Variants in UGT1A8 observed in about 807,000 individuals in gnomAD.
UGT1A8 encodes UDP glucuronosyltransferase family 1 member A8, also known as UDP-glucuronosyltransferase 1A8.
In UGT1A8, 39 loss-of-function variants were observed where a neutral mutation model predicts 45.3. The observed-to-expected ratio is 0.86, with a 90% CI of 0.67 to 1.12. The LOEUF (loss-of-function observed/expected upper bound fraction) is 1.12, where lower values mean the gene tolerates loss of function less well. Ranked by LOEUF, UGT1A8 falls within the 50% of genes most tolerant of loss-of-function variation. The pLI is 0.00. For missense variants in UGT1A8, 719 were observed against 664.9 expected (o/e 1.08, Z -0.90); for synonymous variants, 275 against 249.2 (o/e 1.10, Z -0.97).
chr2:233,709,261 T>G (rs1161769974), intron 1 of UGT1A8, among the ~76,000 whole-genome samples: 1 of 152,190 alleles, frequency 6.6e-6, no homozygotes, highest in Non-Finnish European at 1.5e-5. Flanking sequence ...GGAAATAACT[T>G]GTCCACGCTG....
At chr2:233,702,799 T>C (rs1284571613) in intron 1 of UGT1A8, among the ~76,000 whole-genome samples, 1 of 152,224 alleles carries the variant, frequency 6.6e-6, no homozygotes, top group Non-Finnish European at 1.5e-5. Flanking sequence ...CTTGTATTCC[T>C]AGAATAATCC....
chr2:233,680,607 T>C (rs571428085), intron 1 of UGT1A8, among the ~76,000 whole-genome samples: 3 of 152,274 alleles, frequency 2.0e-5, no homozygotes, highest in East Asian at 1.9e-4. Context: ...ATCTGCATGA[T>C]GGAATTCAGC....
intron 1 of UGT1A8, among the ~76,000 whole-genome samples, chr2:233,757,479 A>C (rs1206962025): frequency 6.8e-6 from 1 of 148,148 alleles, no homozygotes; most frequent in Non-Finnish European, 1.5e-5. Flanking sequence ...CTCCAAAACC[A>C]TGGACTGGCA....
chr2:233,730,749 A>G (rs1471085496), intron 1 of UGT1A8, among the ~76,000 whole-genome samples: 3 of 152,116 alleles, frequency 2.0e-5, no homozygotes, highest in Non-Finnish European at 2.9e-5. Context: ...TAGGGAGGAG[A>G]TAAGACTGTG....
At chr2:233,705,203 C>T (rs1366859032) in intron 1 of UGT1A8, among the ~76,000 whole-genome samples, 1 of 151,508 alleles carries the variant, frequency 6.6e-6, no homozygotes, top group Non-Finnish European at 1.5e-5. Flanking sequence ...CCTTTTATAA[C>T]TACATGATTA....
intron 1 of UGT1A8, among the ~76,000 whole-genome samples, chr2:233,649,485 G>T (rs1231344947): frequency 6.6e-6 from 1 of 152,160 alleles, no homozygotes; most frequent in East Asian, 1.9e-4. Context: ...GTTTCCATCT[G>T]TTGAAATTAT....
At chr2:233,623,150 C>G (rs2073039262) in intron 1 of UGT1A8, among the ~76,000 whole-genome samples, 1 of 152,140 alleles carries the variant, frequency 6.6e-6, no homozygotes, top group Non-Finnish European at 1.5e-5. Flanking sequence ...AGTTTGAAGT[C>G]AGGTAGCATG....
intron 1 of UGT1A8, among the ~76,000 whole-genome samples, chr2:233,658,958 A>T (rs1244221110): frequency 4.6e-5 from 7 of 152,160 alleles, no homozygotes; most frequent in African/African-American, 1.7e-4. Context: ...TTTTAGAGTC[A>T]GTTTGCCAAT....
intron 1 of UGT1A8, chr2:233,754,567 T>C (rs1377287717): frequency 5.0e-6 from 2 of 402,366 alleles, no homozygotes; most frequent in African/African-American, 4.2e-5. Flanking sequence ...GGGGAGCAAC[T>C]GCTCTATGCC....
intron 1 of UGT1A8, among the ~76,000 whole-genome samples, chr2:233,622,225 T>C (rs778506261): frequency 9.9e-5 from 15 of 152,248 alleles, no homozygotes; most frequent in Non-Finnish European, 2.1e-4. Flanking sequence ...CCATGATTTA[T>C]AATTCTTTGG....
At chr2:233,679,052 G>C (rs1398137730) in intron 1 of UGT1A8, among the ~76,000 whole-genome samples, 1 of 152,176 alleles carries the variant, frequency 6.6e-6, no homozygotes, top group Non-Finnish European at 1.5e-5. Context: ...TCTCTATCCA[G>C]ATTCTCTTCC....
intron 1 of UGT1A8, among the ~76,000 whole-genome samples, chr2:233,764,775 GA>G (rs1268647716): frequency 6.6e-6 from 1 of 152,162 alleles, no homozygotes. Context: ...AAGGAGTTCA[GA>G]AAAACCATCC....
chr2:233,618,703 T>A, intron 1 of UGT1A8, 141 bp downstream of exon 1: 2 of 1,473,934 alleles, frequency 1.4e-6, no homozygotes, highest in Non-Finnish European at 1.8e-6. Flanking sequence ...TTTGTGCCAA[T>A]TTATGTACTC....
intron 1 of UGT1A8, among the ~76,000 whole-genome samples, chr2:233,657,721 T>C (rs546072177): frequency 6.6e-6 from 1 of 152,336 alleles, no homozygotes; most frequent in African/African-American, 2.4e-5. Context: ...GTAAATTAAA[T>C]TGCAATTTTA....
intron 1 of UGT1A8, among the ~76,000 whole-genome samples, chr2:233,660,011 A>G (rs1253866641): frequency 6.6e-6 from 1 of 152,214 alleles, no homozygotes; most frequent in Non-Finnish European, 1.5e-5. Flanking sequence ...CTCTGTCTTC[A>G]AACTCTTTAT....
Position 233,769,816 on chromosome 2 carries a change from C to A in UGT1A8, c.1295+1377C>A. On this transcript the variant is annotated intron_variant, in intron 4 of 4. Transcript: ENST00000373450. The surrounding 1 kb of genome is among the most constrained non-coding windows in gnomAD (Gnocchi z 4.4). ...GCTGCTATGAGCCGTGATCATGCCA[C>A]TGCACTCCAGCAACCTGGGCAACAG... 2.2e-6 allele frequency: 2 copies of A among 922,022 alleles called. No individual in the cohort carries two copies. The highest frequency in any genetic ancestry group is 1.5e-6 in the Non-Finnish European group (1 of 663,950). The allele number at this position is 922,022 out of a possible 1,614,324, so 57.1% of individuals were successfully genotyped here. A position where few individuals can be genotyped will look rare whatever the true frequency, so the allele number is the denominator to read the frequency against.
At chr2:233,625,141 A>G (rs1267035909) in intron 1 of UGT1A8, among the ~76,000 whole-genome samples, 1 of 152,116 alleles carries the variant, frequency 6.6e-6, no homozygotes, top group Non-Finnish European at 1.5e-5. Context: ...ACAATAAAGC[A>G]AACTAGAGAA....
intron 1 of UGT1A8, chr2:233,747,771 T>C (rs1693772366): frequency 2.5e-6 from 4 of 1,613,546 alleles, no homozygotes; most frequent in Non-Finnish European, 3.4e-6. Context: ...GGGCACACAG[T>C]GTCCAAATCC....
rs113101046 is a variant in UGT1A8, at chr2:233,672,366, A to G, written c.855+53804A>G. On this transcript the variant is annotated intron_variant, in intron 1 of 4. Transcript: ENST00000373450. ...ACTTAAAGGAGAGTTCTTTTGATGC[A>G]GTGTTTCTCGATCCTTTTGATAACT... is the stretch of plus-strand genomic sequence containing the variant. 239 of 1,614,148 alleles carry G rather than the reference A, an allele frequency of 1.5e-4. 4 individuals carry two copies. In the African/African-American group the frequency reaches 2.2e-3, roughly 15 times the overall value.
Sources: gnomAD v4.1 joint callset for allele counts (sites outside exome capture counted in the v4.1 genomes callset) on GRCh38, gnomAD v4.1.1 for gene constraint, Gnocchi (gnomAD v3.1) non-coding constraint, MANE v1.5 for transcripts, NCBI Gene and HGNC (gene_info 2026-07-23, HGNC 2026-07-21) for gene names.